Variants in CRLF1 observed in about 807,000 individuals in gnomAD.
CRLF1 encodes cytokine receptor-like factor 1.
CRLF1 carries 36 observed loss-of-function variants against 48.9 expected under a neutral mutation model. That is an observed-to-expected ratio of 0.74 (90% CI 0.56 to 0.97). The LOEUF (loss-of-function observed/expected upper bound fraction) is 0.97, where lower values mean the gene tolerates loss of function less well. CRLF1 is among the 50% of genes least tolerant of loss of function. The probability of loss-of-function intolerance (pLI) is 0.00; values close to 1 mark genes in which losing one functional copy is unlikely to be tolerated. For missense variants in CRLF1, 534 were observed against 575.1 expected, an observed-to-expected ratio of 0.93 and a Z score of 0.73; for synonymous variants, 256 against 253.4, an observed-to-expected ratio of 1.01 and a Z score of -0.10.
Position 18,593,544 on chromosome 19 carries a change from G to A in CRLF1, c.*22C>T. 6.2e-7 allele frequency: 1 copy of A among 1,610,616 alleles called. No homozygotes were observed. Among genetic ancestry groups the A allele is most frequent in the Non-Finnish European group, 8.5e-7 (1 of 1,178,932 alleles). On this transcript the variant is annotated 3_prime_UTR_variant, in exon 9 of 9. Coordinates refer to ENST00000392386, the MANE Select transcript of CRLF1 (RefSeq NM_004750.5). ...CCTCTGCGTCTCCACGTGGCAGGGA[G>A]GGTGGCCTGAGCCCCTACAGCTTAT...
chr19:18,606,067 G>A lies in CRLF1; in HGVS notation c.115+475C>T, dbSNP rs1363275479. Among the ~76,000 whole-genome samples the A allele has an allele frequency of 9.2e-5, 14 of 151,516 alleles. No homozygotes were observed. The highest frequency in any genetic ancestry group is 9.2e-4 in the Admixed American group (14 of 15,236). The stretch of plus-strand genomic sequence containing the variant: ...CGGGACCCCGGGCTGCGCGCCAGGC[G>A]GCCAGAGCGGCCCCCCTGCAGCCCC... On this transcript the variant is annotated intron_variant, in intron 1 of 8. Coordinates refer to ENST00000392386, the MANE Select transcript of CRLF1 (RefSeq NM_004750.5). The surrounding 1 kb of genome is among the most constrained non-coding windows in gnomAD (Gnocchi z 4.8).
rs576004197 is a variant in CRLF1 at position 18,593,676 on chromosome 19, C to G, written c.1256-97G>C. The stretch of plus-strand genomic sequence containing the variant: ...GGCTTCATTCGTGTCCTGTCCCCAC[C>G]GCTTCTGGCTGTGTGACTTTGGGCA... On this transcript the variant is annotated intron_variant, in intron 8 of 8. Coordinates refer to ENST00000392386, the MANE Select transcript of CRLF1 (RefSeq NM_004750.5). 1.6e-4 allele frequency: 253 copies of G among 1,546,622 alleles called. 1 individual carries two copies. In the African/African-American group the frequency reaches 3.0e-3, roughly 18 times the overall value.
intron 1 of CRLF1, among the ~76,000 whole-genome samples, chr19:18,605,854 GGCTCCC>G (rs886207980): frequency 6.6e-6 from 1 of 152,156 alleles, no homozygotes; most frequent in Non-Finnish European, 1.5e-5. Flanking sequence ...CGGACTCACT[GGCTCCC>G]GCTCCCTCTC....
rs548043391 is a variant in CRLF1, at chr19:18,600,106, T to C, written c.116-260A>G. ...CCAAAACTCTTCATCACTGACATGC[T>C]TAAGGTTCTCTGAGGGGTCACACAA... On this transcript the variant is annotated intron_variant, in intron 1 of 8. Transcript: ENST00000392386. 2.6e-5 allele frequency among the ~76,000 whole-genome samples: 4 copies of C among 152,298 alleles called. No individual in the cohort carries two copies. The East Asian group carries it at 7.7e-4, about 29-fold the overall frequency.
At chr19:18,601,378 G>A (rs1437761810) in intron 1 of CRLF1, among the ~76,000 whole-genome samples, 1 of 152,072 alleles carries the variant, frequency 6.6e-6, no homozygotes, top group Non-Finnish European at 1.5e-5. Context: ...CCAGGTTCAA[G>A]TGATTCTCCT....
chr19:18,601,881 C>G (rs1045897509), intron 1 of CRLF1, among the ~76,000 whole-genome samples: 9 of 152,204 alleles, frequency 5.9e-5, no homozygotes, highest in Admixed American at 4.6e-4. Flanking sequence ...TTTCTGGTCT[C>G]CAAAGTTCTG....
At position 18,606,169 on chromosome 19, in the gene CRLF1, C is replaced by G. The variant is rs1248006972; in HGVS notation, c.115+373G>C. Among the ~76,000 whole-genome samples, 1 of 151,738 alleles carries G rather than the reference C, an allele frequency of 6.6e-6. No homozygotes were observed. The highest frequency in any genetic ancestry group is 1.5e-5 in the Non-Finnish European group (1 of 67,798). On this transcript the variant is annotated intron_variant, in intron 1 of 8. Coordinates refer to ENST00000392386, the MANE Select transcript of CRLF1 (RefSeq NM_004750.5). This position sits in a 1 kb window ranked among gnomAD's most constrained non-coding sequence, Gnocchi z 4.8. Reference sequence around the variant, plus strand: ...GCACCCAGCGCGCCAACCGCGTGCGCCCCCGCCTGGGAGCGGTGCCCTGCA... The same window carrying G: ...GCACCCAGCGCGCCAACCGCGTGCGGCCCCGCCTGGGAGCGGTGCCCTGCA...
rs777747919 is a variant in CRLF1, at chr19:18,596,917, C to T, written c.830G>A (p.Arg277Gln). 1.2e-6 allele frequency: 2 copies of T among 1,614,068 alleles called. No homozygotes were observed. Among genetic ancestry groups the T allele is most frequent in the East Asian group, 2.2e-5 (1 of 44,874 alleles). Residue 277 changes from arginine (R) to glutamine (Q), a missense_variant, in exon 5 of 9, where the codon CGA becomes CAA. Transcript: ENST00000392386. ...CTTCCAGTCCACACTGTCCTCCACT[C>T]GGTAGCGGATCTGGTATTTGGCTTG... ...LFQAKYQIRY[R>Q]VEDSVDWKVV... is the part of the protein sequence containing the mutation.
chr19:18,594,032 T>TGGGGA, intron 8 of CRLF1, 33 bp downstream of exon 8: 4 of 695,804 alleles, frequency 5.7e-6, no homozygotes, highest in African/African-American at 2.1e-5. Flanking sequence ...CTCCCCTTGC[T>TGGGGA]CCCTCCCGCC....
chr19:18,606,024 G>A lies in CRLF1; in HGVS notation c.115+518C>T, dbSNP rs558777987. Among the ~76,000 whole-genome samples the A allele has an allele frequency of 2.0e-5, 3 of 151,692 alleles. No individual in the cohort carries two copies. The highest frequency in any genetic ancestry group is 2.0e-4 in the Admixed American group (3 of 15,274). On this transcript the variant is annotated intron_variant, in intron 1 of 8. Transcript: ENST00000392386. The surrounding 1 kb of genome is among the most constrained non-coding windows in gnomAD (Gnocchi z 4.8). ...AGGGGGAGGGCGGTGGCGCCGGCCC[G>A]TGGAGACACAAGTCCCCCGGGACCC...
In CRLF1 at chr19:18,594,361, C is replaced by G; in HGVS notation, c.1098G>C (p.Glu366Asp). 3 of 1,610,450 alleles carry G rather than the reference C, an allele frequency of 1.9e-6. No individual in the cohort carries two copies. Among genetic ancestry groups the G allele is most frequent in the Non-Finnish European group, 2.5e-6 (3 of 1,178,836 alleles). Residue 366 changes from glutamate to aspartate, a missense_variant, in exon 7 of 9, where the codon GAG (glutamate) becomes GAC (aspartate). This residue lies in a region of CRLF1 where 528 missense variants were observed against 555.7 expected (regional missense o/e 0.95). Transcript: ENST00000392386. The part of the protein sequence containing the change: ...GEPSSGPVRR[E>D]LKQFLGWLKK... The stretch of plus-strand genomic sequence containing the variant: ...TGAGCCAGCCCAGGAACTGCTTGAG[C>G]TCGCGCCGCACCGGCCCCGAGCTCG...
chr19:18,597,376 C>T (rs1976153465), intron 4 of CRLF1, among the ~76,000 whole-genome samples: 1 of 151,548 alleles, frequency 6.6e-6, no homozygotes, highest in Non-Finnish European at 1.5e-5. Flanking sequence ...GTCAGGCCGT[C>T]AGCCTTCTGG....
chr19:18,601,364 C>T (rs1976219204), intron 1 of CRLF1, among the ~76,000 whole-genome samples: 1 of 152,106 alleles, frequency 6.6e-6, no homozygotes, highest in South Asian at 2.1e-4. Flanking sequence ...GCAATCTCCG[C>T]CTCCCAGGTT....
intron 1 of CRLF1, among the ~76,000 whole-genome samples, chr19:18,603,581 G>T (rs564328571): frequency 6.6e-6 from 1 of 152,214 alleles, no homozygotes; most frequent in Non-Finnish European, 1.5e-5. Flanking sequence ...ACTGCAGGAG[G>T]CAGGGGCAGC....
chr19:18,597,136 A>T (rs1976150069), intron 4 of CRLF1, 87 bp from the exon 5 acceptor site: 2 of 1,431,058 alleles, frequency 1.4e-6, no homozygotes, highest in Middle Eastern at 2.1e-4. Context: ...CTTGGCCTAG[A>T]TGGAACCTGC....
At chr19:18,594,036 T>TCCCCCCCC in intron 8 of CRLF1, 29 bp downstream of exon 8, 1 of 402,572 alleles carries the variant, frequency 2.5e-6, no homozygotes, top group South Asian at 2.0e-5. Context: ...CCTTGCTCCC[T>TCCCCCCCC]CCCGCCCACC....
At chr19:18,594,032 T>TGGCCGC in intron 8 of CRLF1, 33 bp downstream of exon 8, 3 of 695,814 alleles carry the variant, frequency 4.3e-6, no homozygotes, top group Non-Finnish European at 6.6e-6. Flanking sequence ...CTCCCCTTGC[T>TGGCCGC]CCCTCCCGCC....
At chr19:18,604,038 A>G (rs747299464) in intron 1 of CRLF1, among the ~76,000 whole-genome samples, 62 of 152,284 alleles carry the variant, frequency 4.1e-4, no homozygotes, top group Non-Finnish European at 7.8e-4. Context: ...GGCCCCCCCA[A>G]CAGAGTGGGA....
chr19:18,597,084 A>G (rs747203538), intron 4 of CRLF1, 35 bp from the exon 5 acceptor site: 3 of 1,600,994 alleles, frequency 1.9e-6, no homozygotes, highest in Non-Finnish European at 2.6e-6. Context: ...TCAGCCTGGG[A>G]CTGTCTGGGT....
Sources: gnomAD v4.1 joint callset for allele counts (sites outside exome capture counted in the v4.1 genomes callset) on GRCh38, gnomAD v4.1.1 for gene constraint, gnomAD v4.1.1 regional missense constraint, Gnocchi (gnomAD v3.1) non-coding constraint, MANE v1.5 for transcripts, NCBI Gene and HGNC (gene_info 2026-07-23, HGNC 2026-07-21) for gene names.